LRPAP1: variants seen among roughly 807,000 people sequenced by gnomAD.
LRPAP1 encodes the protein LDL receptor related protein associated protein 1, also known as alpha-2-macroglobulin receptor-associated protein.
LRPAP1 carries 41 observed loss-of-function variants against 39.9 expected under a neutral mutation model. The observed-to-expected ratio is 1.03, with a 90% CI of 0.80 to 1.33. The LOEUF is 1.33. LRPAP1 is among the 40% of genes most tolerant of loss of function. LRPAP1 has a pLI of 0.00. For synonymous variants in LRPAP1, 263 were observed against 212.7 expected, an observed-to-expected ratio of 1.24 and a Z score of -2.06; for missense variants, 565 against 482.3, an observed-to-expected ratio of 1.17 and a Z score of -1.61.
chr4:3,523,037 G>A (rs1481893436), intron 2 of LRPAP1, among the ~76,000 whole-genome samples: 1 of 152,302 alleles, frequency 6.6e-6, no homozygotes, highest in African/African-American at 2.4e-5. Flanking sequence ...GTCTGCTTCT[G>A]GGACGCCGGC....
chr4:3,514,659 C>A lies in LRPAP1; in HGVS notation c.1011+93G>T, dbSNP rs577457251. The stretch of plus-strand genomic sequence containing the variant: ...GGAAGACAGCAGCGTGGGGCCCACA[C>A]CCCATCTACAGGAAGCCCTGAGCTG... On this transcript the variant is annotated intron_variant, in intron 7 of 7. Transcript: ENST00000650182. 3 of 1,455,042 alleles carry A rather than the reference C, an allele frequency of 2.1e-6. No homozygotes were observed. The African/African-American group carries it at 4.2e-5, about 20-fold the overall frequency. The allele number at this position is 1,455,042 out of a possible 1,614,324, so 90.1% of individuals were successfully genotyped here.
chr4:3,508,636 A>C lies in LRPAP1; in HGVS notation c.*4338T>G, dbSNP rs533773920. ...CCACAGGGACTTACCTGGAAATGCC[A>C]GGTCATCTTGGCATATGAAAGTCAG... On this transcript the variant is annotated 3_prime_UTR_variant, in exon 8 of 8. Coordinates refer to ENST00000650182, the MANE Select transcript of LRPAP1 (RefSeq NM_002337.4). 14 of 152,370 alleles carry C rather than the reference A, an allele frequency of 9.2e-5. 1 individual carries two copies. The highest frequency in any genetic ancestry group is 3.4e-4 in the African/African-American group (14 of 41,572). The allele number at this position is 152,370 out of a possible 1,614,324, so 9.4% of individuals were successfully genotyped here.
At chr4:3,530,301 C>T (rs1730209947) in intron 1 of LRPAP1, among the ~76,000 whole-genome samples, 1 of 152,166 alleles carries the variant, frequency 6.6e-6, no homozygotes, top group Non-Finnish European at 1.5e-5. Context: ...ATAGAACACC[C>T]TCACAGCACC....
chr4:3,523,758 G>A (rs971499347), intron 2 of LRPAP1, among the ~76,000 whole-genome samples: 2 of 152,218 alleles, frequency 1.3e-5, no homozygotes, highest in African/African-American at 2.4e-5. Flanking sequence ...CCATCAGCGC[G>A]TGTGAAAAGC....
intron 1 of LRPAP1, among the ~76,000 whole-genome samples, chr4:3,525,458 T>C (rs1011293573): frequency 1.3e-5 from 2 of 151,714 alleles, no homozygotes; most frequent in African/African-American, 4.8e-5. Context: ...AGTTCTTTTT[T>C]AAAAAAAATC....
Position 3,524,941 on chromosome 4 carries a change from C to T in LRPAP1, c.315G>A (p.Gly105=). 6.2e-7 allele frequency: 1 copy of T among 1,614,196 alleles called. No homozygotes were observed. ...TGCGTATGAGTCTCGCTTCCTTCTC[C>T]CCATCTTCGTCCAAGCCGTCAAGCT... ...KLKLDGLDED[G]EKEARLIRNL... is the part of the protein sequence containing the mutation. Residue 105 remains glycine (G), a synonymous_variant, in exon 2 of 8, where the codon GGG becomes GGA. Transcript: ENST00000650182.
At chr4:3,519,759 C>G (rs1159285924) in intron 3 of LRPAP1, among the ~76,000 whole-genome samples, 1 of 152,218 alleles carries the variant, frequency 6.6e-6, no homozygotes, top group African/African-American at 2.4e-5. Flanking sequence ...AAATCCGACA[C>G]GGAGTAAAGA....
At chr4:3,530,074 G>C (rs181370802) in intron 1 of LRPAP1, among the ~76,000 whole-genome samples, 1 of 152,182 alleles carries the variant, frequency 6.6e-6, no homozygotes, top group Non-Finnish European at 1.5e-5. Context: ...CGGCGAGTCA[G>C]GTGGGGTAAG....
chr4:3,513,104 CA>C, intron 7 of LRPAP1, 68 bp from the exon 8 acceptor site: 1 of 1,276,900 alleles, frequency 7.8e-7, no homozygotes, highest in South Asian at 1.3e-5. Context: ...AGCTCAGCCT[CA>C]TGTCAGGAGA....
At position 3,505,729 on chromosome 4, in the gene LRPAP1, G is replaced by A. The variant is rs1183920633; in HGVS notation, c.*7245C>T. ...CGTCTATACCAGCTACGCCAAGACC[G>A]TCTATACCAGCTACCCCAAGACCGT... is the stretch of plus-strand genomic sequence containing the variant. On this transcript the variant is annotated 3_prime_UTR_variant, in exon 8 of 8. Coordinates refer to ENST00000650182, the MANE Select transcript of LRPAP1 (RefSeq NM_002337.4). Among the ~76,000 whole-genome samples the A allele has an allele frequency of 6.6e-6, 1 of 152,282 alleles. No individual in the cohort carries two copies. The highest frequency in any genetic ancestry group is 1.9e-4 in the East Asian group (1 of 5,174).
rs142211110 is a variant in LRPAP1 at position 3,524,982 on chromosome 4, C to T, written c.274G>A (p.Ala92Thr). ...CCGTCAAGCTTTAGTTTCTTCCAGG[C>T]GAGTTCGTCCCTCTCCTGTATCTTC... ...DLKIQERDEL[A>T]WKKLKLDGLD... is the part of the protein sequence containing the mutation. The change falls in exon 2 of 8, where the codon GCC (alanine) becomes ACC (threonine). Residue 92 changes from alanine to threonine, a missense_variant. Physicochemically the swap from Ala to Thr is moderately conservative, Grantham distance 58. Transcript: ENST00000650182. 5.6e-5 allele frequency: 90 copies of T among 1,614,112 alleles called. No homozygotes were observed. In the Admixed American group the frequency reaches 1.2e-3, roughly 21 times the overall value.
At position 3,509,029 on chromosome 4, in the gene LRPAP1, A is replaced by T. The variant is rs1450478987; in HGVS notation, c.*3945T>A. The stretch of plus-strand genomic sequence containing the variant: ...CCAAGGCGGGAGTTTAGGGCACAGG[A>T]TTAAAGCACCACGCACAGGTGACAA... On this transcript the variant is annotated 3_prime_UTR_variant, in exon 8 of 8. Coordinates refer to ENST00000650182, the MANE Select transcript of LRPAP1 (RefSeq NM_002337.4). 6.6e-6 allele frequency: 1 copy of T among 152,286 alleles called. No individual in the cohort carries two copies. Among genetic ancestry groups the T allele is most frequent in the Non-Finnish European group, 1.5e-5 (1 of 68,062 alleles). The allele number at this position is 152,286 out of a possible 1,614,324, so 9.4% of individuals were successfully genotyped here.
Position 3,524,957 on chromosome 4 carries a change from C to G in LRPAP1, c.299G>C (p.Gly100Ala), listed in dbSNP as rs1225750996. 1 of 1,614,192 alleles carries G rather than the reference C, an allele frequency of 6.2e-7. No homozygotes were observed. Among genetic ancestry groups the G allele is most frequent in the Admixed American group, 1.7e-5 (1 of 60,022 alleles). Residue 100 changes from glycine to alanine, a missense_variant, in exon 2 of 8, where the codon GGC (glycine) becomes GCC (alanine). By Grantham distance (60) the Gly-to-Ala change is moderately conservative. Coordinates refer to ENST00000650182, the MANE Select transcript of LRPAP1 (RefSeq NM_002337.4). ...ELAWKKLKLDGLDEDGEKEAR... is the reference protein window; with the variant it reads ...ELAWKKLKLDALDEDGEKEAR... ...TTCCTTCTCCCCATCTTCGTCCAAG[C>G]CGTCAAGCTTTAGTTTCTTCCAGGC...
Position 3,505,678 on chromosome 4 carries a change from A to C in LRPAP1, c.*7296T>G, listed in dbSNP as rs553409342. On this transcript the variant is annotated 3_prime_UTR_variant, in exon 8 of 8. Coordinates refer to ENST00000650182, the MANE Select transcript of LRPAP1 (RefSeq NM_002337.4). The stretch of plus-strand genomic sequence containing the variant: ...GACCGTCTATACCAGCTACCCCAAG[A>C]CCGTCTATACCAGCTACCCCAAGAC... Among the ~76,000 whole-genome samples the C allele has an allele frequency of 7.3e-5, 11 of 151,544 alleles. No homozygotes were observed. The highest frequency in any genetic ancestry group is 1.9e-4 in the East Asian group (1 of 5,178).
chr4:3,519,070 A>C (rs1428367582), intron 3 of LRPAP1, 79 bp from the exon 4 acceptor site: 2 of 1,569,106 alleles, frequency 1.3e-6, no homozygotes, highest in Non-Finnish European at 1.7e-6. Context: ...ACCACTCCTC[A>C]TGGCCAGGCA....
intron 2 of LRPAP1, among the ~76,000 whole-genome samples, chr4:3,522,003 G>A (rs1056777725): frequency 2.1e-4 from 32 of 152,190 alleles, no homozygotes; most frequent in African/African-American, 6.8e-4. Context: ...AAATAATACC[G>A]GCTGTGGGGG....
rs1456967101 is a variant in LRPAP1 at position 3,514,859 on chromosome 4, G to A, written c.904C>T (p.His302Tyr). Residue 302 changes from histidine to tyrosine, a missense_variant, in exon 7 of 8, where the codon CAC becomes TAC. His to Tyr is a moderately conservative substitution (Grantham distance 83, BLOSUM62 2). Coordinates refer to ENST00000650182, the MANE Select transcript of LRPAP1 (RefSeq NM_002337.4). ...CTCTCTGCGTGCCTCAGCTTCTCGT[G>A]CGCAATCTCCAGCTGCTTCTGGTAG... is the stretch of plus-strand genomic sequence containing the variant. ...NHYQKQLEIA[H>Y]EKLRHAESVG... is the part of the protein sequence containing the mutation. The A allele has an allele frequency of 6.2e-7, 1 of 1,613,870 alleles. No homozygotes were observed. Among genetic ancestry groups the A allele is most frequent in the South Asian group, 1.1e-5 (1 of 91,088 alleles).
At position 3,504,466 on chromosome 4, in the gene LRPAP1, T is replaced by C. The variant is rs1729291747; in HGVS notation, c.*8508A>G. 6.6e-6 allele frequency: 1 copy of C among 151,010 alleles called. No individual in the cohort carries two copies. The highest frequency in any genetic ancestry group is 2.1e-4 in the South Asian group (1 of 4,782). The allele number at this position is 151,010 out of a possible 1,614,324, so 9.4% of individuals were successfully genotyped here. A position where few individuals can be genotyped will look rare whatever the true frequency, so the allele number is the denominator to read the frequency against. Reference sequence around the variant, plus strand: ...CTGTCTCTACTAAAAACAGAAAAATTAGGCCAGGCATGGTGGCTCATGCCT... The same window carrying C: ...CTGTCTCTACTAAAAACAGAAAAATCAGGCCAGGCATGGTGGCTCATGCCT... On this transcript the variant is annotated 3_prime_UTR_variant, in exon 8 of 8. Transcript: ENST00000650182.
chr4:3,521,089 G>C (rs16844533), intron 2 of LRPAP1, among the ~76,000 whole-genome samples: 3,084 of 152,312 alleles, frequency 0.02, 106 homozygotes, highest in African/African-American at 0.071. Flanking sequence ...CTGTGGCTCT[G>C]TGTGACAGGC....
Sources: gnomAD v4.1 joint callset for allele counts (sites outside exome capture counted in the v4.1 genomes callset) on GRCh38, gnomAD v4.1.1 for gene constraint, MANE v1.5 for transcripts, NCBI Gene and HGNC (gene_info 2026-07-23, HGNC 2026-07-21) for gene names.